SLC24A2: variants seen among roughly 807,000 people sequenced by gnomAD.
SLC24A2 encodes solute carrier family 24 member 2.
A neutral mutation model predicts 62.0 loss-of-function variants in SLC24A2; 36 were observed. The observed-to-expected ratio is 0.58, with a 90% CI of 0.44 to 0.77. SLC24A2 has a LOEUF of 0.77. Ranked by LOEUF, SLC24A2 falls within the 30% of genes least tolerant of loss-of-function variation. The pLI is 0.00. For synonymous variants in SLC24A2, 358 were observed against 294.0 expected, an observed-to-expected ratio of 1.22 and a Z score of -2.23; for missense variants, 846 against 817.9, an observed-to-expected ratio of 1.03 and a Z score of -0.42.
At chr9:20,148,900 G>C in the SLC24A2 span, among the ~76,000 whole-genome samples, 1 of 151,994 alleles carries the variant, frequency 6.6e-6, no homozygotes, top group African/African-American at 2.4e-5. Flanking sequence ...CGTCTAAGGA[G>C]AAATTCAAAA....
intron 7 of SLC24A2, among the ~76,000 whole-genome samples, chr9:19,557,803 G>A (rs527509369): frequency 2.9e-4 from 44 of 150,402 alleles, no homozygotes; most frequent in South Asian, 1.1e-3. Context: ...TGGTCTAAAT[G>A]GCTCACATTT....
chr9:19,705,749 G>A (rs541922738), intron 2 of SLC24A2: 1 of 154,640 alleles, frequency 6.5e-6, no homozygotes, highest in African/African-American at 2.4e-5. Flanking sequence ...GGTTTTGAAT[G>A]AGTTTCTTAA....
the SLC24A2 span, among the ~76,000 whole-genome samples, chr9:19,890,071 C>T: frequency 1.4e-4 from 21 of 152,254 alleles, no homozygotes; most frequent in Non-Finnish European, 7.4e-5. Context: ...ATAACCTCTC[C>T]ATTACAAACC....
At chr9:19,977,018 T>C in the SLC24A2 span, among the ~76,000 whole-genome samples, 93 of 152,250 alleles carry the variant, frequency 6.1e-4, no homozygotes, top group Admixed American at 1.2e-3. Flanking sequence ...AGGCTGGCCA[T>C]GTCAGGAAAA....
chr9:19,852,603 C>G, the SLC24A2 span, among the ~76,000 whole-genome samples: 43 of 152,096 alleles, frequency 2.8e-4, no homozygotes, highest in African/African-American at 1.0e-3. Flanking sequence ...TTGTTTTTGT[C>G]AGGTTTGTTG....
chr9:19,530,218 T>C (rs1440179559), intron 8 of SLC24A2, among the ~76,000 whole-genome samples: 2 of 152,054 alleles, frequency 1.3e-5, no homozygotes, highest in Admixed American at 6.6e-5. Context: ...TCACAGTCAC[T>C]GTTTCAGGAT....
chr9:20,201,442 A>G, the SLC24A2 span, among the ~76,000 whole-genome samples: 8 of 152,214 alleles, frequency 5.3e-5, no homozygotes, highest in African/African-American at 1.4e-4. Context: ...CACTTCTGTG[A>G]TAACAGAGAC....
chr9:20,240,953 G>T, the SLC24A2 span, among the ~76,000 whole-genome samples: 18 of 152,152 alleles, frequency 1.2e-4, no homozygotes, highest in African/African-American at 3.9e-4. Flanking sequence ...ATGAATTGAG[G>T]CACAGTTTCA....
the SLC24A2 span, among the ~76,000 whole-genome samples, chr9:20,051,657 C>CTCTCTTTTTTTTTTTTTTTTTT: frequency 9.5e-5 from 7 of 73,508 alleles, no homozygotes; most frequent in East Asian, 3.6e-4. Flanking sequence ...TTTTCTTTCT[C>CTCTCTTTTTTTTTTTTTTTTTT]TTTTTTTTTT....
At chr9:19,889,206 T>C in the SLC24A2 span, among the ~76,000 whole-genome samples, 2 of 152,196 alleles carry the variant, frequency 1.3e-5, no homozygotes, top group African/African-American at 4.8e-5. Flanking sequence ...CTGGGAAGGA[T>C]ATTCTGGGAC....
the SLC24A2 span, among the ~76,000 whole-genome samples, chr9:20,006,404 A>G: frequency 6.6e-6 from 1 of 152,012 alleles, no homozygotes; most frequent in African/African-American, 2.4e-5. Flanking sequence ...CTAGTATTTG[A>G]TAGCACAACA....
intron 9 of SLC24A2, 114 bp downstream of exon 9, chr9:19,527,935 G>T: frequency 1.4e-6 from 1 of 732,670 alleles, no homozygotes; most frequent in Non-Finnish European, 2.5e-6. Flanking sequence ...TAACTCGTCT[G>T]TGTCACACCC....
chr9:20,162,384 C>A, the SLC24A2 span, among the ~76,000 whole-genome samples: 1 of 151,568 alleles, frequency 6.6e-6, no homozygotes, highest in East Asian at 1.9e-4. Flanking sequence ...TGAAGCAAAT[C>A]ATAAAATACT....
At chr9:19,717,081 T>C (rs2118628723) in intron 2 of SLC24A2, among the ~76,000 whole-genome samples, 1 of 152,334 alleles carries the variant, frequency 6.6e-6, no homozygotes, top group Non-Finnish European at 1.5e-5. Context: ...GCAGCTCACT[T>C]TGCCAGAGAC....
chr9:19,516,112 G>C lies in SLC24A2; in HGVS notation c.*41C>G. 2.5e-6 allele frequency: 4 copies of C among 1,613,088 alleles called. No homozygotes were observed. Among genetic ancestry groups the C allele is most frequent in the Non-Finnish European group, 3.4e-6 (4 of 1,179,396 alleles). ...AGGAGCCCAGAGCCCAGAGTGTGGA[G>C]GGACCATTCATGCTGCTGGTGCAAG... On this transcript the variant is annotated 3_prime_UTR_variant, in exon 11 of 11. Transcript: ENST00000341998.
the SLC24A2 span, among the ~76,000 whole-genome samples, chr9:19,893,525 G>C: frequency 2.0e-5 from 3 of 152,158 alleles, no homozygotes; most frequent in Non-Finnish European, 4.4e-5. Context: ...TATTATAATA[G>C]TAGCTACTGT....
rs564038614 is a variant in SLC24A2, at chr9:19,510,556, C to G, written c.*5597G>C. On this transcript the variant is annotated 3_prime_UTR_variant, in exon 11 of 11. Transcript: ENST00000341998. ...TCATTGAGCTGGGTCACACCAGCAT[C>G]TATGCTGGGATCTCCCCCGTAAGAG... 119 of 151,888 alleles carry G rather than the reference C, an allele frequency of 7.8e-4. No individual in the cohort carries two copies. The highest frequency in any genetic ancestry group is 2.7e-3 in the African/African-American group (113 of 41,406). The allele number at this position is 151,888 out of a possible 1,614,324, so 9.4% of individuals were successfully genotyped here. A position where few individuals can be genotyped will look rare whatever the true frequency, so the allele number is the denominator to read the frequency against.
intron 8 of SLC24A2, among the ~76,000 whole-genome samples, chr9:19,534,333 T>C (rs978075415): frequency 6.6e-6 from 1 of 152,218 alleles, no homozygotes; most frequent in Non-Finnish European, 1.5e-5. Context: ...CTTAACAATA[T>C]AAATTGTACA....
the SLC24A2 span, among the ~76,000 whole-genome samples, chr9:20,276,449 G>C: frequency 6.6e-6 from 1 of 152,260 alleles, no homozygotes; most frequent in African/African-American, 2.4e-5. Flanking sequence ...CTCTGCCCCT[G>C]TGGCTTTGCA....
Sources: allele counts gnomAD v4.1 joint callset (sites outside exome capture counted in the v4.1 genomes callset), GRCh38; gene constraint gnomAD v4.1.1; transcripts MANE v1.5; gene names NCBI Gene and HGNC (gene_info 2026-07-23, HGNC 2026-07-21).